Variants in PSMG2 observed in about 807,000 individuals in gnomAD.
The protein encoded by PSMG2 is proteasome assembly chaperone 2.
A neutral mutation model predicts 31.5 loss-of-function variants in PSMG2; 21 were observed. The observed-to-expected ratio is 0.67, with a 90% CI of 0.47 to 0.96. The LOEUF (loss-of-function observed/expected upper bound fraction) is 0.96. PSMG2 is among the 40% of genes least tolerant of loss of function. The pLI is 0.00. For missense variants in PSMG2, 318 were observed against 321.2 expected, an observed-to-expected ratio of 0.99 and a Z score of 0.08; for synonymous variants, 120 against 110.4, an observed-to-expected ratio of 1.09 and a Z score of -0.54.
At chr18:12,694,072 T>C (rs551482275) in intron 1 of PSMG2, among the ~76,000 whole-genome samples, 1 of 152,278 alleles carries the variant, frequency 6.6e-6, no homozygotes, top group African/African-American at 2.4e-5. Context: ...GACTCAAAAG[T>C]GATCCACCCA....
At position 12,705,576 on chromosome 18, in the gene PSMG2, A is replaced by AGAGTGTGT. The variant is rs1465866538; in HGVS notation, c.58-973_58-972insAGTGTGTG. On this transcript the variant is annotated intron_variant, in intron 1 of 6. Coordinates refer to ENST00000317615, the MANE Select transcript of PSMG2 (RefSeq NM_020232.5). The stretch of plus-strand genomic sequence containing the variant: ...GAGAGAGAGAGAGAGAGAGAGAGAG[A>AGAGTGTGT]GTGTGTGTGTGTGTGTGTGTGTGTG... Among the ~76,000 whole-genome samples, 84 of 129,770 alleles carry AGAGTGTGT rather than the reference A, an allele frequency of 6.5e-4. 2 individuals are homozygous for AGAGTGTGT. In the South Asian group the frequency reaches 0.011, roughly 17 times the overall value. 85.1% of individuals were successfully genotyped at this position (129,770 alleles called of 152,430 possible).
chr18:12,720,430 T>A, intron 4 of PSMG2, 80 bp from the exon 5 acceptor site: 2 of 1,211,638 alleles, frequency 1.7e-6, no homozygotes, highest in South Asian at 3.5e-5. Flanking sequence ...GCAGAATATA[T>A]GGAGACCAAG....
chr18:12,709,883 G>A (rs1045114870), intron 2 of PSMG2, among the ~76,000 whole-genome samples: 3 of 151,304 alleles, frequency 2.0e-5, no homozygotes, highest in Admixed American at 2.0e-4. Flanking sequence ...CAGTTCACCC[G>A]CCTCAGCCTC....
chr18:12,677,697 G>A (rs1238943439), intron 1 of PSMG2, among the ~76,000 whole-genome samples: 1 of 151,966 alleles, frequency 6.6e-6, no homozygotes, highest in Non-Finnish European at 1.5e-5. Context: ...GGGCTCAAGC[G>A]ATCCACCCAC....
At chr18:12,690,437 C>T (rs528777925) in intron 1 of PSMG2, among the ~76,000 whole-genome samples, 4 of 151,970 alleles carry the variant, frequency 2.6e-5, no homozygotes, top group Non-Finnish European at 4.4e-5. Flanking sequence ...ACAAAAAATA[C>T]GTGAACCTGA....
chr18:12,686,078 T>C (rs756944924), intron 1 of PSMG2: 131 of 486,778 alleles, frequency 2.7e-4, no homozygotes, highest in Admixed American at 1.8e-3. Context: ...TTTTTTATTA[T>C]TGTAATTTTT....
intron 2 of PSMG2, among the ~76,000 whole-genome samples, chr18:12,708,849 G>GCACA: frequency 3.4e-5 from 5 of 148,752 alleles, no homozygotes; most frequent in Admixed American, 1.4e-4. Flanking sequence ...GGGATTACAG[G>GCACA]TGCCCACCAC....
chr18:12,711,956 A>G (rs1034616312), intron 2 of PSMG2, among the ~76,000 whole-genome samples: 2 of 151,768 alleles, frequency 1.3e-5, no homozygotes, highest in African/African-American at 2.4e-5. Flanking sequence ...GGTTTCATTC[A>G]CCATGTTAGC....
chr18:12,714,331 C>G (rs1017181588), intron 3 of PSMG2, among the ~76,000 whole-genome samples: 6 of 152,190 alleles, frequency 3.9e-5, no homozygotes, highest in Non-Finnish European at 7.3e-5. Flanking sequence ...ACACTGGCTT[C>G]CCTGTGTTGT....
intron 1 of PSMG2, among the ~76,000 whole-genome samples, chr18:12,697,041 A>G (rs1003548993): frequency 7.9e-5 from 12 of 152,212 alleles, no homozygotes; most frequent in South Asian, 2.1e-4. Flanking sequence ...GAAGTGCTAT[A>G]CTGATATTAT....
chr18:12,678,310 T>TGCATC (rs2039218355), intron 1 of PSMG2: 2 of 1,614,186 alleles, frequency 1.2e-6, no homozygotes, highest in East Asian at 4.5e-5. Flanking sequence ...AGGTTTCTAC[T>TGCATC]GCATCAGAGG....
chr18:12,725,408 A>C (rs1170966978), intron 6 of PSMG2, 31 bp from the exon 7 acceptor site: 1 of 1,485,252 alleles, frequency 6.7e-7, no homozygotes, highest in Non-Finnish European at 9.3e-7. Flanking sequence ...GTAAAGTTTA[A>C]AGATTAAAAT....
upstream of PSMG2, chr18:12,698,955 T>C: frequency 2.0e-6 from 3 of 1,472,280 alleles, no homozygotes; most frequent in Non-Finnish European, 2.8e-6. Context: ...CTCAATTAAA[T>C]GACAATTTAT....
chr18:12,693,978 T>G (rs2039861324), intron 1 of PSMG2, among the ~76,000 whole-genome samples: 1 of 152,098 alleles, frequency 6.6e-6, no homozygotes, highest in South Asian at 2.1e-4. Flanking sequence ...ACTACAAGTA[T>G]GTACCACCAT....
intron 5 of PSMG2, among the ~76,000 whole-genome samples, chr18:12,722,729 A>G (rs2040441876): frequency 6.6e-6 from 1 of 152,232 alleles, no homozygotes. Context: ...AAAAAGTAAT[A>G]ATAATAGTCA....
intron 4 of PSMG2, among the ~76,000 whole-genome samples, chr18:12,719,099 CAG>C (rs1245573359): frequency 6.6e-6 from 1 of 152,114 alleles, no homozygotes; most frequent in Non-Finnish European, 1.5e-5. Flanking sequence ...TTTGTAGAGA[CAG>C]GGTCTAGCTA....
intron 1 of PSMG2, chr18:12,664,994 C>T (rs1357863985): frequency 6.6e-6 from 1 of 152,106 alleles, no homozygotes; most frequent in Non-Finnish European, 1.5e-5. Context: ...CCGATCTATC[C>T]TAATCTTTAT....
chr18:12,685,622 C>A (rs2039513174), intron 1 of PSMG2: 1 of 149,854 alleles, frequency 6.7e-6, no homozygotes, highest in South Asian at 2.1e-4. Flanking sequence ...ATACTCAAGG[C>A]TTATATAAAA....
intron 5 of PSMG2, among the ~76,000 whole-genome samples, chr18:12,722,207 C>T (rs1327674278): frequency 6.6e-6 from 1 of 152,178 alleles, no homozygotes; most frequent in East Asian, 1.9e-4. Flanking sequence ...GACTTGCCCT[C>T]CTGCCATAAA....
Sources: allele counts gnomAD v4.1 joint callset (sites outside exome capture counted in the v4.1 genomes callset), GRCh38; gene constraint gnomAD v4.1.1; transcripts MANE v1.5; gene names NCBI Gene and HGNC (gene_info 2026-07-23, HGNC 2026-07-21).